The following NEGR1 variants were observed in gnomAD, a reference collection of about 807,000 sequenced individuals.
NEGR1 encodes neuronal growth regulator 1.
A neutral mutation model predicts 40.9 loss-of-function variants in NEGR1; 10 were observed. The observed-to-expected ratio is 0.24, with a 90% CI of 0.15 to 0.42. The LOEUF is 0.42. NEGR1 is among the 10% of genes least tolerant of loss of function. NEGR1 has a pLI of 1.00. For synonymous variants in NEGR1, 185 were observed against 166.8 expected (o/e 1.11, Z -0.84); for missense variants, 352 against 438.9 (o/e 0.80, Z 1.77).
intron 1 of NEGR1, among the ~76,000 whole-genome samples, chr1:72,152,003 T>C (rs1194655854): frequency 1.3e-5 from 2 of 151,802 alleles, no homozygotes; most frequent in Non-Finnish European, 3.0e-5. Flanking sequence ...AGAATTTTTG[T>C]AGAACAATTA....
intron 1 of NEGR1, among the ~76,000 whole-genome samples, chr1:72,009,433 T>C (rs1014372017): frequency 6.6e-6 from 1 of 152,056 alleles, no homozygotes; most frequent in Non-Finnish European, 1.5e-5. Flanking sequence ...TAGCACAGTT[T>C]CCCCCAACTT....
At chr1:71,796,811 C>T (rs1657345118) in intron 2 of NEGR1, among the ~76,000 whole-genome samples, 1 of 151,890 alleles carries the variant, frequency 6.6e-6, no homozygotes, top group Admixed American at 6.6e-5. Context: ...TTGCTTAGTA[C>T]CAAATAAGGG....
chr1:72,169,055 A>C (rs1362326027), intron 1 of NEGR1, among the ~76,000 whole-genome samples: 1 of 152,236 alleles, frequency 6.6e-6, no homozygotes, highest in African/African-American at 2.4e-5. Context: ...AACCATAAGA[A>C]AGAAGATATA....
intron 1 of NEGR1, among the ~76,000 whole-genome samples, chr1:72,135,108 G>A (rs1220813217): frequency 2.7e-5 from 4 of 150,064 alleles, no homozygotes; most frequent in East Asian, 4.0e-4. Context: ...CGGGCGTGGT[G>A]GCTCAGGCCT....
intron 1 of NEGR1, among the ~76,000 whole-genome samples, chr1:72,268,095 G>A (rs1481638754): frequency 6.6e-6 from 1 of 151,306 alleles, no homozygotes; most frequent in Admixed American, 6.6e-5. Context: ...TTTAAAAGAG[G>A]TGAACCTGAG....
At chr1:71,435,741 A>G (rs1203500344) in intron 6 of NEGR1, among the ~76,000 whole-genome samples, 1 of 152,244 alleles carries the variant, frequency 6.6e-6, no homozygotes, top group Non-Finnish European at 1.5e-5. Flanking sequence ...CTGCACAAAA[A>G]GAAGGCCTGG....
chr1:72,122,824 T>G (rs531729548), intron 1 of NEGR1, among the ~76,000 whole-genome samples: 5 of 151,914 alleles, frequency 3.3e-5, no homozygotes, highest in African/African-American at 9.6e-5. Flanking sequence ...ACCACCACCC[T>G]AACATAAAAC....
chr1:71,632,270 A>G (rs981134925), intron 4 of NEGR1, among the ~76,000 whole-genome samples: 1 of 151,366 alleles, frequency 6.6e-6, no homozygotes, highest in Non-Finnish European at 1.5e-5. Flanking sequence ...ATACATTTAT[A>G]TATGTATATA....
chr1:72,180,743 C>A lies in NEGR1; in HGVS notation c.176+101576G>T, dbSNP rs534830660. Among the ~76,000 whole-genome samples the A allele has an allele frequency of 1.6e-4, 24 of 152,168 alleles. 1 individual carries two copies. In the South Asian group the frequency reaches 4.8e-3, roughly 30 times the overall value. On this transcript the variant is annotated intron_variant, in intron 1 of 6. Coordinates refer to ENST00000357731, the MANE Select transcript of NEGR1 (RefSeq NM_173808.3). Reference sequence around the variant, plus strand: ...CATTAATCATGACGGAAATACTAATCAAAACTACTATGAGATACCACCTCA... The same window carrying A: ...CATTAATCATGACGGAAATACTAATAAAAACTACTATGAGATACCACCTCA...
At chr1:72,191,053 C>T (rs1438492698) in intron 1 of NEGR1, among the ~76,000 whole-genome samples, 1 of 151,226 alleles carries the variant, frequency 6.6e-6, no homozygotes, top group Non-Finnish European at 1.5e-5. Flanking sequence ...AAAAGTTTTA[C>T]TTATAGTAAA....
intron 3 of NEGR1, among the ~76,000 whole-genome samples, chr1:71,749,295 T>TA (rs1346619767): frequency 6.6e-6 from 1 of 152,180 alleles, no homozygotes; most frequent in African/African-American, 2.4e-5. Flanking sequence ...TATCTCCATG[T>TA]AAAAATACTC....
intron 2 of NEGR1, among the ~76,000 whole-genome samples, chr1:71,791,602 T>G (rs1169243502): frequency 6.6e-6 from 1 of 152,102 alleles, no homozygotes; most frequent in Non-Finnish European, 1.5e-5. Context: ...AATAGAATAT[T>G]TCATAGTGTT....
chr1:71,563,603 A>T (rs1334999533), intron 6 of NEGR1, among the ~76,000 whole-genome samples: 3 of 151,968 alleles, frequency 2.0e-5, no homozygotes, highest in Non-Finnish European at 4.4e-5. Context: ...AGAAGAGCAC[A>T]AAAATGGTAA....
Position 71,805,112 on chromosome 1 carries a change from C to T in NEGR1, c.410-28815G>A, listed in dbSNP as rs1051401198. ...CCAGGCTTATTAGGATGAGGAAATT[C>T]CCGCATAATAAATTTTGGTCAGACC... On this transcript the variant is annotated intron_variant, in intron 2 of 6. Transcript: ENST00000357731. Among the ~76,000 whole-genome samples, 11 of 152,190 alleles carry T rather than the reference C, an allele frequency of 7.2e-5. No individual in the cohort carries two copies. The East Asian group carries it at 2.1e-3, about 30-fold the overall frequency.
intron 6 of NEGR1, among the ~76,000 whole-genome samples, chr1:71,495,615 A>G (rs932029232): frequency 6.6e-6 from 1 of 152,170 alleles, no homozygotes. Context: ...TCACAGACAT[A>G]GATCACTGGA....
intron 2 of NEGR1, among the ~76,000 whole-genome samples, chr1:71,925,983 G>C (rs113812402): frequency 4.0e-5 from 6 of 151,800 alleles, no homozygotes; most frequent in Admixed American, 6.6e-5. Flanking sequence ...TCCAAGATAG[G>C]CAACAAATAT....
chr1:71,975,790 T>C (rs1172309998), intron 1 of NEGR1, among the ~76,000 whole-genome samples: 1 of 152,192 alleles, frequency 6.6e-6, no homozygotes, highest in Non-Finnish European at 1.5e-5. Context: ...AAACAAAAAC[T>C]TTAGATAAAA....
chr1:71,722,787 C>T (rs911514157), intron 3 of NEGR1, among the ~76,000 whole-genome samples: 9 of 152,118 alleles, frequency 5.9e-5, no homozygotes, highest in Admixed American at 3.9e-4. Flanking sequence ...CTCTTAAATG[C>T]AATTTTATAA....
chr1:71,871,716 C>T (rs1201745868), intron 2 of NEGR1, among the ~76,000 whole-genome samples: 1 of 152,166 alleles, frequency 6.6e-6, no homozygotes, highest in Non-Finnish European at 1.5e-5. Context: ...ACCTTCTTTA[C>T]TGTCAACAAG....
Sources: gnomAD v4.1 joint callset for allele counts (sites outside exome capture counted in the v4.1 genomes callset) on GRCh38, gnomAD v4.1.1 for gene constraint, MANE v1.5 for transcripts, NCBI Gene and HGNC (gene_info 2026-07-23, HGNC 2026-07-21) for gene names.